The following IPO5 variants were observed in gnomAD, a reference collection of about 807,000 sequenced individuals.
IPO5 encodes the protein importin-5.
In IPO5, 18 loss-of-function variants were observed where a neutral mutation model predicts 143.3. The ratio of observed to expected loss-of-function variants is 0.13; its 90% CI spans 0.09 to 0.19. The LOEUF (loss-of-function observed/expected upper bound fraction) is 0.19, where lower values mean the gene tolerates loss of function less well. Ranked by LOEUF, IPO5 falls within the 10% of genes least tolerant of loss-of-function variation. The probability of loss-of-function intolerance (pLI) is 1.00; values close to 1 mark genes in which losing one functional copy is unlikely to be tolerated. For synonymous variants in IPO5, 477 were observed against 465.7 expected, an observed-to-expected ratio of 1.02 and a Z score of -0.31; for missense variants, 1,013 against 1,336.9, an observed-to-expected ratio of 0.76 and a Z score of 3.78.
chr13:98,002,532 C>G lies in IPO5; in HGVS notation c.1174C>G (p.Gln392Glu), dbSNP rs1231124487. 1.2e-6 allele frequency: 2 copies of G among 1,613,800 alleles called. No homozygotes were observed. The highest frequency in any genetic ancestry group is 3.3e-5 in the Admixed American group (2 of 60,018). ...LSAIGEGCHQ[Q>E]MEGILNEIVN... ...TGCCATTGGTGAAGGGTGCCACCAG[C>G]AAATGGAAGGAATTCTAAATGAGAT... The change falls in exon 14 of 29, where the codon CAA (glutamine) becomes GAA (glutamate). Residue 392 changes from glutamine to glutamate, a missense_variant. This residue lies in a region of IPO5 where 685 missense variants were observed against 994.9 expected (regional missense o/e 0.69). Transcript: ENST00000651721.
intron 16 of IPO5, 96 bp downstream of exon 16, chr13:98,003,133 C>A: frequency 3.2e-6 from 3 of 925,072 alleles, no homozygotes; most frequent in Admixed American, 2.3e-5. Context: ...TGCAGCATGA[C>A]CATAAAGAAT....
chr13:98,005,706 TAAAG>T lies in IPO5; in HGVS notation c.1498-423_1498-420del, dbSNP rs569585303. 2.1e-3 allele frequency among the ~76,000 whole-genome samples: 315 copies of T among 151,870 alleles called. 1 individual carries two copies. The highest frequency in any genetic ancestry group is 3.7e-3 in the Non-Finnish European group (251 of 67,954). Reference sequence around the variant, plus strand: ...CTTCTGGGGAGAGGGGGTTAGAAGATAAAGGAAGGGGCCAAAGAGGGAATTTTCT... The same window carrying T: ...CTTCTGGGGAGAGGGGGTTAGAAGATGAAGGGGCCAAAGAGGGAATTTTCT... On this transcript the variant is annotated intron_variant, in intron 16 of 28. Coordinates refer to ENST00000651721, the MANE Select transcript of IPO5 (RefSeq NM_002271.6).
At chr13:97,975,816 C>T in intron 3 of IPO5, 1 of 531,534 alleles carries the variant, frequency 1.9e-6, no homozygotes, top group Non-Finnish European at 2.4e-6. Flanking sequence ...CGTGTACATC[C>T]GAAGACGACC....
At position 98,011,277 on chromosome 13, in the gene IPO5, TTTTG is replaced by T. The variant is rs375613970; in HGVS notation, c.2056-949_2056-946del. 4.6e-3 allele frequency among the ~76,000 whole-genome samples: 698 copies of T among 152,100 alleles called. 3 individuals carry two copies. The highest frequency in any genetic ancestry group is 0.016 in the South Asian group (76 of 4,818). On this transcript the variant is annotated intron_variant, in intron 20 of 28. Transcript: ENST00000651721. ...GAAACAATTGGGTTTTTGGGGTTTT[TTTTG>T]TTTGTTTGTTTGTTTGTTTTGCTTT...
intron 11 of IPO5, among the ~76,000 whole-genome samples, chr13:97,995,094 C>T (rs1336728978): frequency 2.7e-5 from 4 of 148,658 alleles, no homozygotes; most frequent in Non-Finnish European, 3.0e-5. Flanking sequence ...CATTGCACTC[C>T]GGCCTGGGTG....
chr13:98,016,844 A>G lies in IPO5; in HGVS notation c.2609A>G (p.Asn870Ser). ...WFEQLLPLIV[N>S]LICPHRPWPD... ...GAACAGCTGCTTCCATTAATTGTCA[A>G]CCTCATTGTAAGTGTTACCTCTCTT... is the stretch of plus-strand genomic sequence containing the variant. Residue 870 changes from asparagine to serine, a missense_variant, in exon 25 of 29, where the codon AAC becomes AGC. By Grantham distance (46) the Asn-to-Ser change is conservative (BLOSUM62 1). Coordinates refer to ENST00000651721, the MANE Select transcript of IPO5 (RefSeq NM_002271.6). 1.3e-6 allele frequency: 2 copies of G among 1,552,732 alleles called. No homozygotes were observed. The highest frequency in any genetic ancestry group is 8.6e-7 in the Non-Finnish European group (1 of 1,156,346).
intron 5 of IPO5, 85 bp from the exon 6 acceptor site, chr13:97,985,336 G>A (rs1887240062): frequency 1.9e-6 from 2 of 1,057,674 alleles, no homozygotes; most frequent in Non-Finnish European, 1.4e-6. Flanking sequence ...TAGAAAATTA[G>A]GCGCTTTTGA....
chr13:98,005,859 C>G (rs1199866415), intron 16 of IPO5, among the ~76,000 whole-genome samples: 2 of 152,032 alleles, frequency 1.3e-5, no homozygotes, highest in Non-Finnish European at 2.9e-5. Context: ...CGTATCTGTA[C>G]TCAAGAATTA....
At chr13:97,976,038 G>A in intron 3 of IPO5, 1 of 837,590 alleles carries the variant, frequency 1.2e-6, no homozygotes, top group Non-Finnish European at 1.4e-6. Flanking sequence ...CTTCCTGGGG[G>A]TGGGTGAAGG....
chr13:97,989,262 A>C, intron 7 of IPO5, 98 bp downstream of exon 7: 3 of 610,120 alleles, frequency 4.9e-6, no homozygotes, highest in Non-Finnish European at 8.3e-6. Flanking sequence ...CTTATACTTA[A>C]AATGATAATA....
chr13:97,975,506 T>C (rs1468793603), intron 3 of IPO5: 1 of 152,202 alleles, frequency 6.6e-6, no homozygotes, highest in African/African-American at 2.4e-5. Context: ...CTTAGCCCAA[T>C]GTATTGGATA....
At chr13:97,979,739 C>T in intron 4 of IPO5, 1 of 372,200 alleles carries the variant, frequency 2.7e-6, no homozygotes, top group African/African-American at 2.1e-5. Context: ...GCTGTGTTGC[C>T]CAGGCTGGTC....
chr13:97,976,821 GGCCGGCGC>G (rs1886384118), intron 4 of IPO5, 35 bp downstream of exon 4: 1 of 1,020,830 alleles, frequency 9.8e-7, no homozygotes, highest in East Asian at 6.2e-5. Flanking sequence ...TTCGCGCCCT[GGCCGGCGC>G]GCCGACCCTT....
At chr13:97,986,590 T>G (rs1320863756) in intron 6 of IPO5, among the ~76,000 whole-genome samples, 2 of 152,116 alleles carry the variant, frequency 1.3e-5, no homozygotes, top group Admixed American at 6.6e-5. Flanking sequence ...CCTCAGGTGA[T>G]CTGCCCATCT....
Position 98,019,814 on chromosome 13 carries a change from GA to G in IPO5, c.3065+8del, listed in dbSNP as rs891774232. 1 of 1,578,156 alleles carries G rather than the reference GA, an allele frequency of 6.3e-7. No homozygotes were observed. Among genetic ancestry groups the G allele is most frequent in the African/African-American group, 1.3e-5 (1 of 74,152 alleles). The stretch of plus-strand genomic sequence containing the variant: ...TCTGTGTGACCTGATTGAAAGGTAG[GA>G]AAGCAGACTGTGACCTTATTTCCTT... On this transcript the variant is annotated splice_donor_region_variant and intron_variant, in intron 27 of 28. Transcript: ENST00000651721.
rs59658983 is a variant in IPO5, at chr13:98,012,801, A to ATTTTTTTTTTTTTTT, written c.2152+471_2152+485dup. On this transcript the variant is annotated intron_variant, in intron 21 of 28. Coordinates refer to ENST00000651721, the MANE Select transcript of IPO5 (RefSeq NM_002271.6). ...ACAACACCAAGCCCAGCTAGATTTG[A>ATTTTTTTTTTTTTTT]TTTTTTTTTTTTTTTTTTTTTTTTT... Among the ~76,000 whole-genome samples, 28 of 109,160 alleles carry ATTTTTTTTTTTTTTT rather than the reference A, an allele frequency of 2.6e-4. 1 individual carries two copies. The East Asian group carries it at 4.1e-3, about 16-fold the overall frequency. The allele number at this position is 109,160 out of a possible 152,430, so 71.6% of individuals were successfully genotyped here. A position where few individuals can be genotyped will look rare whatever the true frequency, so the allele number is the denominator to read the frequency against.
chr13:97,982,689 T>C (rs952621155), intron 5 of IPO5, 106 bp downstream of exon 5: 2 of 750,586 alleles, frequency 2.7e-6, no homozygotes, highest in Non-Finnish European at 4.4e-6. Context: ...CCACATAGAC[T>C]TTACTAGAAC....
In IPO5 at chr13:98,012,245, G is replaced by T; in HGVS notation, c.2056-1G>T. The T allele has an allele frequency of 6.3e-7, 1 of 1,585,048 alleles. No individual in the cohort carries two copies. The highest frequency in any genetic ancestry group is 8.7e-7 in the Non-Finnish European group (1 of 1,153,638). The stretch of plus-strand genomic sequence containing the variant: ...ATTTCCTCCCAATACTTTGGTTACA[G>T]GTTTGCTATGCTAAGGAGTTAAAGG... On this transcript the variant is annotated splice_acceptor_variant, in intron 20 of 28. Transcript: ENST00000651721. LOFTEE classifies it high-confidence loss of function.
intron 9 of IPO5, among the ~76,000 whole-genome samples, chr13:97,992,322 C>T (rs1237882734): frequency 6.6e-6 from 1 of 152,038 alleles, no homozygotes; most frequent in African/African-American, 2.4e-5. Context: ...ACTTAACATC[C>T]AAGATAAATA....
Sources: gnomAD v4.1 joint callset for allele counts (sites outside exome capture counted in the v4.1 genomes callset) on GRCh38, gnomAD v4.1.1 for gene constraint, gnomAD v4.1.1 regional missense constraint, MANE v1.5 for transcripts, NCBI Gene and HGNC (gene_info 2026-07-23, HGNC 2026-07-21) for gene names.